The following ZMAT4 variants were observed in gnomAD, a reference collection of about 807,000 sequenced individuals.
ZMAT4 encodes zinc finger matrin-type protein 4.
A neutral mutation model predicts 28.7 loss-of-function variants in ZMAT4; 17 were observed. That is an observed-to-expected ratio of 0.59 (90% CI 0.41 to 0.89). The LOEUF (loss-of-function observed/expected upper bound fraction) is 0.89. Ranked by LOEUF, ZMAT4 falls within the 40% of genes least tolerant of loss-of-function variation. The pLI is 0.00. For missense variants in ZMAT4, 240 were observed against 283.8 expected (o/e 0.85, Z 1.11); for synonymous variants, 117 against 109.2 (o/e 1.07, Z -0.44).
intron 6 of ZMAT4, among the ~76,000 whole-genome samples, chr8:40,563,293 T>A (rs1364059271): frequency 6.6e-6 from 1 of 152,188 alleles, no homozygotes; most frequent in Non-Finnish European, 1.5e-5. Context: ...AAAGTCAGTC[T>A]CAAATATATT....
chr8:40,580,097 C>T (rs371870785), intron 6 of ZMAT4, among the ~76,000 whole-genome samples: 2 of 148,882 alleles, frequency 1.3e-5, no homozygotes, highest in African/African-American at 2.5e-5. Flanking sequence ...ACTGCAATCT[C>T]CACCTCCCAG....
chr8:40,842,360 CA>C (rs759303493), intron 1 of ZMAT4, among the ~76,000 whole-genome samples: 3 of 152,240 alleles, frequency 2.0e-5, no homozygotes, highest in Non-Finnish European at 2.9e-5. Flanking sequence ...GCTTTTAAAT[CA>C]AATTGTTGGC....
chr8:40,770,398 C>A (rs984585879), intron 2 of ZMAT4, among the ~76,000 whole-genome samples: 1 of 151,906 alleles, frequency 6.6e-6, no homozygotes, highest in East Asian at 1.9e-4. Context: ...CCCTGCAGAT[C>A]GTTCCTGGGG....
At chr8:40,601,643 A>AAAGCAG (rs1805372547) in intron 5 of ZMAT4, among the ~76,000 whole-genome samples, 1 of 27,398 alleles carries the variant, frequency 3.6e-5, no homozygotes, top group Admixed American at 3.0e-4. Context: ...AGAGAAAGAA[A>AAAGCAG]GAAAGAAAGA....
intron 2 of ZMAT4, among the ~76,000 whole-genome samples, chr8:40,814,670 A>G (rs1321859139): frequency 6.6e-6 from 1 of 152,238 alleles, no homozygotes; most frequent in African/African-American, 2.4e-5. Flanking sequence ...TGAAAAAGAT[A>G]TAAAAGGAAA....
rs560962085 is a variant in ZMAT4 at position 40,640,087 on chromosome 8, C to G, written c.577+34617G>C. ...AAACCCCTGGGTTCAAGTAATCCTC[C>G]CACCTCAGCCTCCTGGATAGCTTGG... is the stretch of plus-strand genomic sequence containing the variant. On this transcript the variant is annotated intron_variant, in intron 5 of 6. Coordinates refer to ENST00000297737, the MANE Select transcript of ZMAT4 (RefSeq NM_024645.3). Among the ~76,000 whole-genome samples, 4 of 152,254 alleles carry G rather than the reference C, an allele frequency of 2.6e-5. No individual in the cohort carries two copies. In the East Asian group the frequency reaches 7.7e-4, roughly 29 times the overall value.
intron 2 of ZMAT4, among the ~76,000 whole-genome samples, chr8:40,801,354 A>ATATATATATG (rs1563493690): frequency 1.3e-4 from 8 of 59,566 alleles, no homozygotes; most frequent in African/African-American, 1.8e-4. Context: ...AAAAAAAAAT[A>ATATATATATG]TATATATATA....
At chr8:40,661,771 C>A (rs1445507292) in intron 5 of ZMAT4, among the ~76,000 whole-genome samples, 1 of 152,136 alleles carries the variant, frequency 6.6e-6, no homozygotes, top group Non-Finnish European at 1.5e-5. Flanking sequence ...TTCCTAGAAC[C>A]TTATGAAACC....
rs960003810 is a variant in ZMAT4 at position 40,823,706 on chromosome 8, C to CGT, written c.102+1867_102+1868dup. Among the ~76,000 whole-genome samples, 12 of 91,386 alleles carry CGT rather than the reference C, an allele frequency of 1.3e-4. No homozygotes were observed. In the East Asian group the frequency reaches 3.8e-3, roughly 29 times the overall value. The allele number at this position is 91,386 out of a possible 152,430, so 60.0% of individuals were successfully genotyped here. A position where few individuals can be genotyped will look rare whatever the true frequency, so the allele number is the denominator to read the frequency against. Reference sequence around the variant, plus strand: ...ACATATACATATACACACACACACACGTGTGTGTGTGTGCGTGTGTGTTTA... The same window carrying CGT: ...ACATATACATATACACACACACACACGTGTGTGTGTGTGTGCGTGTGTGTTTA... On this transcript the variant is annotated intron_variant, in intron 2 of 6. Coordinates refer to ENST00000297737, the MANE Select transcript of ZMAT4 (RefSeq NM_024645.3).
intron 1 of ZMAT4, among the ~76,000 whole-genome samples, chr8:40,882,431 G>A (rs1412271342): frequency 2.6e-5 from 4 of 152,108 alleles, no homozygotes; most frequent in Non-Finnish European, 5.9e-5. Context: ...AACCCTGGCC[G>A]GCAATATTTG....
At chr8:40,649,754 A>G (rs560240823) in intron 5 of ZMAT4, among the ~76,000 whole-genome samples, 1 of 152,102 alleles carries the variant, frequency 6.6e-6, no homozygotes, top group Non-Finnish European at 1.5e-5. Context: ...TCAAACTAGA[A>G]CTCAGGATTA....
chr8:40,879,208 C>T (rs1270911518), intron 1 of ZMAT4, among the ~76,000 whole-genome samples: 1 of 152,120 alleles, frequency 6.6e-6, no homozygotes, highest in Non-Finnish European at 1.5e-5. Context: ...GATCACCTGA[C>T]CCTAGGAGTT....
intron 6 of ZMAT4, among the ~76,000 whole-genome samples, chr8:40,542,605 T>C (rs973477255): frequency 1.5e-4 from 23 of 152,042 alleles, no homozygotes; most frequent in Non-Finnish European, 2.8e-4. Flanking sequence ...CCCAGGCTGG[T>C]CTCCAACTCC....
Position 40,760,818 on chromosome 8 carries a change from G to A in ZMAT4, c.192+6823C>T, listed in dbSNP as rs77568969. Among the ~76,000 whole-genome samples the A allele has an allele frequency of 1.7e-4, 26 of 151,662 alleles. 1 individual carries two copies. The East Asian group carries it at 5.1e-3, about 30-fold the overall frequency. ...GTGCTTTTGCACCATGCACCTGCAA[G>A]TTGCACAGAGCTACAGCAGATTTTA... On this transcript the variant is annotated intron_variant, in intron 3 of 6. Coordinates refer to ENST00000297737, the MANE Select transcript of ZMAT4 (RefSeq NM_024645.3).
At chr8:40,741,138 G>A (rs150192386) in intron 3 of ZMAT4, among the ~76,000 whole-genome samples, 163 of 152,146 alleles carry the variant, frequency 1.1e-3, no homozygotes, top group African/African-American at 3.8e-3. Flanking sequence ...TTTGGAAAAG[G>A]TTGTGAAGGT....
chr8:40,601,292 T>C (rs1805294720), intron 5 of ZMAT4, among the ~76,000 whole-genome samples: 1 of 151,354 alleles, frequency 6.6e-6, no homozygotes, highest in African/African-American at 2.4e-5. Context: ...AGGGTACTAA[T>C]ACCCATCAAA....
chr8:40,646,882 GT>G (rs1218888781), intron 5 of ZMAT4, among the ~76,000 whole-genome samples: 13 of 152,094 alleles, frequency 8.5e-5, no homozygotes, highest in Admixed American at 8.5e-4. Context: ...CACTTCACTC[GT>G]AAAAAACAGT....
chr8:40,614,124 C>G (rs1281519584), intron 5 of ZMAT4, among the ~76,000 whole-genome samples: 1 of 152,188 alleles, frequency 6.6e-6, no homozygotes. Flanking sequence ...TTGCGTCTTT[C>G]TTTGAACCCC....
chr8:40,873,975 T>C (rs895657741), intron 1 of ZMAT4, among the ~76,000 whole-genome samples: 2 of 151,928 alleles, frequency 1.3e-5, no homozygotes, highest in African/African-American at 4.8e-5. Flanking sequence ...CTGCTCCCAT[T>C]TGAGATTAGG....
Sources: gnomAD v4.1 joint callset for allele counts (sites outside exome capture counted in the v4.1 genomes callset) on GRCh38, gnomAD v4.1.1 for gene constraint, MANE v1.5 for transcripts, NCBI Gene and HGNC (gene_info 2026-07-23, HGNC 2026-07-21) for gene names.